Variants in TM9SF4 observed in about 807,000 individuals in gnomAD.
The protein encoded by TM9SF4 is transmembrane 9 superfamily member 4, also known as dinucleotide oxidase disulfide thiol exchanger 3 superfamily member 4.
In TM9SF4, 26 loss-of-function variants were observed where a neutral mutation model predicts 90.4. That is an observed-to-expected ratio of 0.29 (90% CI 0.21 to 0.40). TM9SF4 has a LOEUF of 0.40. Ranked by LOEUF, TM9SF4 falls within the 10% of genes least tolerant of loss-of-function variation. The pLI, the probability that TM9SF4 is intolerant of heterozygous loss-of-function variation, is 1.00. For synonymous variants in TM9SF4, 293 were observed against 315.4 expected (o/e 0.93, Z 0.75); for missense variants, 549 against 834.8 (o/e 0.66, Z 4.22).
chr20:32,148,299 CTT>C (rs1160009701), intron 9 of TM9SF4, among the ~76,000 whole-genome samples: 1 of 152,120 alleles, frequency 6.6e-6, no homozygotes, highest in Non-Finnish European at 1.5e-5. Context: ...TTAGCACAGA[CTT>C]TTTTTCTTTT....
intron 1 of TM9SF4, among the ~76,000 whole-genome samples, chr20:32,118,756 C>T (rs902853955): frequency 1.5e-4 from 23 of 152,100 alleles, no homozygotes; most frequent in African/African-American, 5.3e-4. Context: ...CCACCTCAGC[C>T]TCCAGAGTAG....
intron 5 of TM9SF4, among the ~76,000 whole-genome samples, chr20:32,142,464 C>CCAAAGGGCGTCTGTCCT: frequency 6.6e-6 from 1 of 152,320 alleles, no homozygotes; most frequent in African/African-American, 2.4e-5. Flanking sequence ...GCCCCTGTCC[C>CCAAAGGGCGTCTGTCCT]CAAAGGGCGT....
chr20:32,128,481 G>A (rs139021905), intron 1 of TM9SF4, among the ~76,000 whole-genome samples: 1 of 152,286 alleles, frequency 6.6e-6, no homozygotes, highest in Non-Finnish European at 1.5e-5. Context: ...GTGCAGCTTT[G>A]TTACATGGGT....
chr20:32,155,402 A>C (rs1212578409), intron 13 of TM9SF4, among the ~76,000 whole-genome samples: 1 of 152,182 alleles, frequency 6.6e-6, no homozygotes, highest in Non-Finnish European at 1.5e-5. Context: ...GAGATCTTTC[A>C]GTCAACTGAC....
chr20:32,164,880 A>G (rs1184523751), intron 17 of TM9SF4, among the ~76,000 whole-genome samples: 1 of 152,138 alleles, frequency 6.6e-6, no homozygotes, highest in Non-Finnish European at 1.5e-5. Flanking sequence ...TGGGGAAGAG[A>G]GGAATGAATG....
intron 16 of TM9SF4, among the ~76,000 whole-genome samples, chr20:32,160,760 C>T (rs1250379024): frequency 6.6e-6 from 1 of 151,898 alleles, no homozygotes. Flanking sequence ...ACCATCCTGG[C>T]TAACATGGTG....
chr20:32,113,653 C>G (rs779391878), intron 1 of TM9SF4, among the ~76,000 whole-genome samples: 1 of 152,134 alleles, frequency 6.6e-6, no homozygotes, highest in Non-Finnish European at 1.5e-5. Context: ...TTATTATAAT[C>G]TTCTTTATGG....
chr20:32,159,874 C>T (rs1569109333), intron 15 of TM9SF4, 118 bp from the exon 16 acceptor site: 1 of 1,440,734 alleles, frequency 6.9e-7, no homozygotes, highest in Non-Finnish European at 9.6e-7. Context: ...ATGCCAGGCC[C>T]ACGGGCCCTG....
intron 9 of TM9SF4, 128 bp from the exon 10 acceptor site, chr20:32,149,506 C>T: frequency 1.6e-6 from 2 of 1,214,880 alleles, no homozygotes; most frequent in South Asian, 2.7e-5. Context: ...TTTCTCCTAT[C>T]ACTTACACTC....
chr20:32,161,476 G>T (rs1009687882), intron 17 of TM9SF4, 111 bp downstream of exon 17: 2 of 1,003,802 alleles, frequency 2.0e-6, no homozygotes, highest in African/African-American at 1.6e-5. Flanking sequence ...CACCCAGAAT[G>T]GGGAGGACCA....
At chr20:32,129,612 T>C (rs867199560) in intron 1 of TM9SF4, among the ~76,000 whole-genome samples, 1 of 151,634 alleles carries the variant, frequency 6.6e-6, no homozygotes, top group Non-Finnish European at 1.5e-5. Context: ...TTTTTTTTTT[T>C]TTTTGAAATA....
chr20:32,142,029 G>C (rs913075177), intron 5 of TM9SF4, 134 bp downstream of exon 5: 2 of 1,438,440 alleles, frequency 1.4e-6, no homozygotes, highest in African/African-American at 2.8e-5. Context: ...GTCTGTCAGA[G>C]GTCCGAGTGC....
intron 1 of TM9SF4, among the ~76,000 whole-genome samples, chr20:32,124,725 T>G (rs1211524415): frequency 6.6e-6 from 1 of 152,094 alleles, no homozygotes; most frequent in Non-Finnish European, 1.5e-5. Context: ...TAGCTGGGAT[T>G]ACAGGCGTGT....
At chr20:32,122,443 C>A (rs2046335681) in intron 1 of TM9SF4, among the ~76,000 whole-genome samples, 1 of 150,576 alleles carries the variant, frequency 6.6e-6, no homozygotes, top group Non-Finnish European at 1.5e-5. Context: ...CTCCTCACTT[C>A]TCATACGGGG....
chr20:32,158,114 C>A (rs2046957704), intron 14 of TM9SF4, 145 bp downstream of exon 14: 5 of 1,174,140 alleles, frequency 4.3e-6, no homozygotes. Flanking sequence ...ACTCCAAGAT[C>A]AAGGTGACCA....
At chr20:32,140,553 A>T (rs2046657661) in intron 3 of TM9SF4, among the ~76,000 whole-genome samples, 1 of 152,206 alleles carries the variant, frequency 6.6e-6, no homozygotes. Flanking sequence ...GCTGATGATA[A>T]AAGAGCGTTT....
intron 9 of TM9SF4, 41 bp downstream of exon 9, chr20:32,146,896 A>G: frequency 6.3e-7 from 1 of 1,577,626 alleles, no homozygotes. Flanking sequence ...TTGGATGGGG[A>G]GGGGAGGAGG....
In TM9SF4 at chr20:32,130,757, A is replaced by T. The variant is rs559667496; in HGVS notation, c.16-2256A>T. Reference sequence around the variant, plus strand: ...TAGAGAGATTTTCAAGGAACTGGTGATAGCAGTTGTCCATGGGGACCTGGA... The same window carrying T: ...TAGAGAGATTTTCAAGGAACTGGTGTTAGCAGTTGTCCATGGGGACCTGGA... On this transcript the variant is annotated intron_variant, in intron 1 of 17. Coordinates refer to ENST00000398022, the MANE Select transcript of TM9SF4 (RefSeq NM_014742.4). 6.6e-5 allele frequency among the ~76,000 whole-genome samples: 10 copies of T among 152,368 alleles called. No homozygotes were observed. In the South Asian group the frequency reaches 2.1e-3, roughly 32 times the overall value.
chr20:32,150,952 A>C lies in TM9SF4; in HGVS notation c.1245+77A>C, dbSNP rs1043217141. 8.3e-6 allele frequency: 13 copies of C among 1,557,056 alleles called. No individual in the cohort carries two copies. In the African/African-American group the frequency reaches 1.4e-4, roughly 16 times the overall value. On this transcript the variant is annotated intron_variant, in intron 12 of 17. Transcript: ENST00000398022. ...CTGGGCTCCTCAGGAGAAGGTAGGC[A>C]GGTCCTGGTGGGGATTTTTGGGCCA...
Sources: allele counts gnomAD v4.1 joint callset (sites outside exome capture counted in the v4.1 genomes callset), GRCh38; gene constraint gnomAD v4.1.1; transcripts MANE v1.5; gene names NCBI Gene and HGNC (gene_info 2026-07-23, HGNC 2026-07-21).